The following ASIC2 variants were observed in gnomAD, a reference collection of about 807,000 sequenced individuals.
The protein encoded by ASIC2 is acid-sensing ion channel 2.
ASIC2 carries 25 observed loss-of-function variants against 57.3 expected under a neutral mutation model. The ratio of observed to expected loss-of-function variants is 0.44; its 90% CI spans 0.32 to 0.61. ASIC2 has a LOEUF of 0.61. Ranked by LOEUF, ASIC2 falls within the 20% of genes least tolerant of loss-of-function variation. ASIC2 has a pLI of 0.06. For synonymous variants in ASIC2, 319 were observed against 307.5 expected (o/e 1.04, Z -0.39); for missense variants, 641 against 738.1 (o/e 0.87, Z 1.52).
Position 33,026,097 on chromosome 17 carries a change from G to A in ASIC2, c.1139-115C>T, listed in dbSNP as rs541229766. 81 of 1,134,534 alleles carry A rather than the reference G, an allele frequency of 7.1e-5. 2 individuals carry two copies. The highest frequency in any genetic ancestry group is 7.0e-4 in the South Asian group (48 of 68,334). The allele number at this position is 1,134,534 out of a possible 1,614,324, so 70.3% of individuals were successfully genotyped here. ...GCCTCCTGGCAGTTGAAGGGGCAGC[G>A]GCCTGCCAGTGGGCAGTTCGAAGGG... is the stretch of plus-strand genomic sequence containing the variant. On this transcript the variant is annotated intron_variant, in intron 4 of 9. Transcript: ENST00000225823.
At chr17:33,675,623 G>C (rs763292618) in intron 1 of ASIC2, among the ~76,000 whole-genome samples, 1 of 152,156 alleles carries the variant, frequency 6.6e-6, no homozygotes, top group Non-Finnish European at 1.5e-5. Flanking sequence ...CCAGGCTGGA[G>C]TGCAGTGGTG....
At position 33,920,655 on chromosome 17, in the gene ASIC2, G is replaced by A. The variant is rs73987299; in HGVS notation, c.555+235323C>T. 2.4e-3 allele frequency among the ~76,000 whole-genome samples: 359 copies of A among 152,294 alleles called. 4 individuals are homozygous for A. The highest frequency in any genetic ancestry group is 7.8e-3 in the African/African-American group (323 of 41,556). On this transcript the variant is annotated intron_variant, in intron 1 of 9. Coordinates refer to the ASIC2 transcript ENST00000359872. ...GATCATTTGTACCCCAGACTTCAGC[G>A]TCATGCAATATGCTCATCTAACAAA...
At chr17:33,872,311 A>G (rs968402194) in intron 1 of ASIC2, among the ~76,000 whole-genome samples, 2 of 152,160 alleles carry the variant, frequency 1.3e-5, no homozygotes, top group Non-Finnish European at 2.9e-5. Flanking sequence ...CCCTACACAC[A>G]GCCTGAACCA....
chr17:33,027,026 G>A (rs541371024), intron 4 of ASIC2, among the ~76,000 whole-genome samples: 1 of 152,228 alleles, frequency 6.6e-6, no homozygotes, highest in East Asian at 1.9e-4. Context: ...GTCAGATATA[G>A]GTCTCATTGG....
In ASIC2 at chr17:33,368,375, A is replaced by G. The variant is rs147736483; in HGVS notation, c.556-256308T>C. On this transcript the variant is annotated intron_variant, in intron 1 of 9. Transcript: ENST00000359872. ...GGAGTTTTCCCAGCCTTAACCACCAATGGGTGAAACTTCAGATAATTCTAG... is the reference window on the plus strand; with the variant it reads ...GGAGTTTTCCCAGCCTTAACCACCAGTGGGTGAAACTTCAGATAATTCTAG... 3.2e-3 allele frequency among the ~76,000 whole-genome samples: 486 copies of G among 152,272 alleles called. 3 individuals carry two copies. The highest frequency in any genetic ancestry group is 0.01 in the East Asian group (54 of 5,166).
chr17:33,554,559 A>G (rs1178293255), intron 1 of ASIC2, among the ~76,000 whole-genome samples: 1 of 152,190 alleles, frequency 6.6e-6, no homozygotes, highest in Admixed American at 6.5e-5. Flanking sequence ...TTGCCAGTTC[A>G]AAGACCATCA....
intron 1 of ASIC2, among the ~76,000 whole-genome samples, chr17:33,773,226 T>A (rs941722790): frequency 5.3e-4 from 80 of 151,024 alleles, no homozygotes; most frequent in Non-Finnish European, 9.9e-4. Context: ...TTTTTTTTTT[T>A]AAATCATACA....
At chr17:33,158,940 T>C (rs925550910) in intron 1 of ASIC2, among the ~76,000 whole-genome samples, 1 of 152,222 alleles carries the variant, frequency 6.6e-6, no homozygotes, top group African/African-American at 2.4e-5. Flanking sequence ...GACTTTAATT[T>C]GGCATTCTAG....
chr17:33,497,969 G>A (rs181287865), intron 1 of ASIC2, among the ~76,000 whole-genome samples: 28 of 152,334 alleles, frequency 1.8e-4, no homozygotes, highest in Admixed American at 1.7e-3. Context: ...ACAGTGGGTG[G>A]CTATAGCCAA....
chr17:34,137,358 C>T (rs1174704924), intron 1 of ASIC2, among the ~76,000 whole-genome samples: 1 of 152,218 alleles, frequency 6.6e-6, no homozygotes, highest in Non-Finnish European at 1.5e-5. Flanking sequence ...GCTTTCCCAG[C>T]AAACAGACTG....
At chr17:33,065,944 A>G (rs2092041777) in intron 3 of ASIC2, among the ~76,000 whole-genome samples, 1 of 152,174 alleles carries the variant, frequency 6.6e-6, no homozygotes, top group East Asian at 1.9e-4. Flanking sequence ...ACAGTGATAA[A>G]GGTAGGGCTG....
At chr17:33,658,691 A>G (rs1907154140) in intron 1 of ASIC2, among the ~76,000 whole-genome samples, 1 of 151,934 alleles carries the variant, frequency 6.6e-6, no homozygotes, top group Non-Finnish European at 1.5e-5. Flanking sequence ...TCACCTCCCA[A>G]TCCTCTCCTA....
chr17:33,515,026 G>A (rs116193755), intron 1 of ASIC2, among the ~76,000 whole-genome samples: 399 of 152,316 alleles, frequency 2.6e-3, no homozygotes, highest in African/African-American at 8.8e-3. Context: ...CTGTGTCCAC[G>A]GATATGTGCC....
At chr17:33,888,698 C>T (rs1914889476) in intron 1 of ASIC2, among the ~76,000 whole-genome samples, 1 of 151,960 alleles carries the variant, frequency 6.6e-6, no homozygotes, top group Non-Finnish European at 1.5e-5. Context: ...ATGTAGGTGC[C>T]CCTGGATGAG....
chr17:34,083,684 T>A (rs993518166), intron 1 of ASIC2, among the ~76,000 whole-genome samples: 6 of 152,190 alleles, frequency 3.9e-5, no homozygotes, highest in African/African-American at 4.8e-5. Flanking sequence ...CCAGCACCTG[T>A]TGTTTCCTGA....
intron 3 of ASIC2, among the ~76,000 whole-genome samples, chr17:33,037,632 AT>A (rs751935015): frequency 7.2e-5 from 11 of 152,172 alleles, no homozygotes; most frequent in Non-Finnish European, 1.0e-4. Flanking sequence ...ATCTTCAAAT[AT>A]CTGAAGAACT....
At chr17:33,193,187 C>T (rs113540796) in intron 1 of ASIC2, among the ~76,000 whole-genome samples, 4 of 152,192 alleles carry the variant, frequency 2.6e-5, no homozygotes, top group Admixed American at 1.3e-4. Context: ...AACTTAGAAG[C>T]CTTTGTTAAC....
intron 1 of ASIC2, among the ~76,000 whole-genome samples, chr17:33,535,534 C>T (rs113560901): frequency 0.059 from 9,005 of 151,964 alleles, 514 homozygotes; most frequent in East Asian, 0.29. Context: ...TCTCGGCCTC[C>T]CAGAGTGCTG....
chr17:34,107,284 T>A (rs1262376926), intron 1 of ASIC2, among the ~76,000 whole-genome samples: 1 of 152,082 alleles, frequency 6.6e-6, no homozygotes, highest in Non-Finnish European at 1.5e-5. Context: ...GGCAGATCAC[T>A]TGAGTCCTGG....
Sources: allele counts gnomAD v4.1 joint callset (sites outside exome capture counted in the v4.1 genomes callset), GRCh38; gene constraint gnomAD v4.1.1; transcripts MANE v1.5; gene names NCBI Gene and HGNC (gene_info 2026-07-23, HGNC 2026-07-21).